The following FGF14 variants were observed in gnomAD, a reference collection of about 807,000 sequenced individuals.
FGF14 encodes the protein fibroblast growth factor homologous factor 4.
In FGF14, 5 loss-of-function variants were observed where a neutral mutation model predicts 25.5. The ratio of observed to expected loss-of-function variants is 0.20; its 90% confidence interval spans 0.10 to 0.41. The LOEUF (loss-of-function observed/expected upper bound fraction) is 0.41. Ranked by LOEUF, FGF14 falls within the 10% of genes least tolerant of loss-of-function variation. The pLI, the probability that FGF14 is intolerant of heterozygous loss-of-function variation, is 1.00. For missense variants in FGF14, 222 were observed against 320.1 expected (o/e 0.69, Z 2.34); for synonymous variants, 138 against 118.3 (o/e 1.17, Z -1.08).
intron 1 of FGF14, among the ~76,000 whole-genome samples, chr13:102,370,073 C>T (rs894628713): frequency 6.6e-6 from 1 of 152,066 alleles, no homozygotes; most frequent in Admixed American, 6.5e-5. Context: ...CTCACTGCAC[C>T]CTCAACTACC....
At chr13:101,907,919 C>T (rs1566414827) in intron 1 of FGF14, among the ~76,000 whole-genome samples, 1 of 151,738 alleles carries the variant, frequency 6.6e-6, no homozygotes, top group Non-Finnish European at 1.5e-5. Context: ...GGAGTTTATC[C>T]CCAAGTTCAG....
chr13:101,954,699 A>AGT (rs5806259), intron 1 of FGF14, among the ~76,000 whole-genome samples: 56,917 of 150,742 alleles, frequency 0.38, 11,719 homozygotes, highest in East Asian at 0.58. Flanking sequence ...ATTCACTGAA[A>AGT]GTGTGTGTGT....
At chr13:102,258,202 G>T (rs2052542653) in intron 1 of FGF14, among the ~76,000 whole-genome samples, 2 of 152,210 alleles carry the variant, frequency 1.3e-5, no homozygotes, top group Admixed American at 1.3e-4. Context: ...CTCCCACCAG[G>T]TCCCTCCCAT....
intron 1 of FGF14, among the ~76,000 whole-genome samples, chr13:102,121,393 C>T (rs1249436919): frequency 6.6e-6 from 1 of 151,094 alleles, no homozygotes; most frequent in Non-Finnish European, 1.5e-5. Flanking sequence ...AGATGTGTAC[C>T]TTAGAAAATT....
At chr13:101,841,500 T>A (rs531617112) in intron 3 of FGF14, among the ~76,000 whole-genome samples, 1 of 152,158 alleles carries the variant, frequency 6.6e-6, no homozygotes, top group East Asian at 1.9e-4. Flanking sequence ...GCATACATAT[T>A]ATTTACTACT....
chr13:102,228,259 T>C (rs1477893213), intron 1 of FGF14, among the ~76,000 whole-genome samples: 1 of 152,186 alleles, frequency 6.6e-6, no homozygotes, highest in Non-Finnish European at 1.5e-5. Flanking sequence ...TAGTTTCTAG[T>C]TTCTCAACGG....
At chr13:101,792,919 C>A (rs996213376) in intron 3 of FGF14, among the ~76,000 whole-genome samples, 1 of 151,768 alleles carries the variant, frequency 6.6e-6, no homozygotes, top group African/African-American at 2.4e-5. Context: ...ATATGAAGTA[C>A]AAAGCAATGT....
At chr13:102,020,790 A>C (rs1477128523) in intron 1 of FGF14, among the ~76,000 whole-genome samples, 2 of 152,086 alleles carry the variant, frequency 1.3e-5, no homozygotes, top group Non-Finnish European at 2.9e-5. Context: ...AGGTCACTAC[A>C]CAGATGGGAT....
chr13:102,397,225 C>T (rs1174670899), intron 1 of FGF14, among the ~76,000 whole-genome samples: 1 of 152,038 alleles, frequency 6.6e-6, no homozygotes, highest in Non-Finnish European at 1.5e-5. Context: ...AAGCAAGTAG[C>T]TTTTTAAAAA....
chr13:102,195,683 A>G (rs772774907), intron 1 of FGF14, among the ~76,000 whole-genome samples: 4 of 150,738 alleles, frequency 2.7e-5, no homozygotes, highest in Admixed American at 6.6e-5. Context: ...ATGGTGGCCA[A>G]TTGGAGGCTG....
chr13:102,373,194 G>A (rs888514536), intron 1 of FGF14, among the ~76,000 whole-genome samples: 6 of 152,112 alleles, frequency 3.9e-5, no homozygotes, highest in African/African-American at 1.4e-4. Context: ...TGGTCACATG[G>A]CGCTTCCTCT....
chr13:101,836,247 G>A, intron 3 of FGF14, among the ~76,000 whole-genome samples: 1 of 152,020 alleles, frequency 6.6e-6, no homozygotes, highest in East Asian at 1.9e-4. Flanking sequence ...AGGCTCTTAT[G>A]ACTGCTCTAA....
intron 1 of FGF14, among the ~76,000 whole-genome samples, chr13:102,260,178 C>G (rs1035498446): frequency 9.9e-5 from 15 of 152,264 alleles, no homozygotes; most frequent in Middle Eastern, 6.8e-3. Context: ...TTTATGTAAC[C>G]TTTCCTTGGG....
At chr13:102,374,803 G>T (rs940633139) in intron 1 of FGF14, among the ~76,000 whole-genome samples, 1 of 149,962 alleles carries the variant, frequency 6.7e-6, no homozygotes, top group Non-Finnish European at 1.5e-5. Flanking sequence ...TTTCAATTAA[G>T]GGCTAAAGTA....
chr13:102,199,383 G>A (rs1472244244), intron 1 of FGF14, among the ~76,000 whole-genome samples: 5 of 152,158 alleles, frequency 3.3e-5, no homozygotes, highest in Admixed American at 6.5e-5. Context: ...ATTTCTAAAT[G>A]CTAGGTGGTG....
chr13:102,277,016 T>A (rs1206873998), intron 1 of FGF14, among the ~76,000 whole-genome samples: 1 of 152,152 alleles, frequency 6.6e-6, no homozygotes, highest in Admixed American at 6.5e-5. Context: ...ATGGAAGGAT[T>A]AATATGTTGC....
chr13:102,342,492 C>A (rs1256597135), intron 1 of FGF14, among the ~76,000 whole-genome samples: 3 of 152,108 alleles, frequency 2.0e-5, no homozygotes, highest in African/African-American at 7.2e-5. Context: ...AACCTACATT[C>A]CAGTGATGGT....
chr13:101,871,993 T>C (rs2140463769), intron 2 of FGF14, among the ~76,000 whole-genome samples: 1 of 151,918 alleles, frequency 6.6e-6, no homozygotes, highest in South Asian at 2.1e-4. Flanking sequence ...CAGTGGGCCT[T>C]TTTCCCCTCT....
Position 102,067,130 on chromosome 13 carries a change from C to T in FGF14, c.209-191834G>A, listed in dbSNP as rs147924098. Among the ~76,000 whole-genome samples the T allele has an allele frequency of 5.9e-4, 90 of 152,200 alleles. No homozygotes were observed. The Middle Eastern group carries it at 0.014, about 23-fold the overall frequency. On this transcript the variant is annotated intron_variant, in intron 1 of 4. Coordinates refer to the FGF14 transcript ENST00000376131. Reference sequence around the variant, plus strand: ...CCCCACATCCTCATGAACAGTAGTTCGCACAAAACAAGCAACATATATGTG... The same window carrying T: ...CCCCACATCCTCATGAACAGTAGTTTGCACAAAACAAGCAACATATATGTG...
Sources: allele counts gnomAD v4.1 joint callset (sites outside exome capture counted in the v4.1 genomes callset), GRCh38; gene constraint gnomAD v4.1.1; transcripts MANE v1.5; gene names NCBI Gene and HGNC (gene_info 2026-07-23, HGNC 2026-07-21).